The following ZFHX2 variants were observed in gnomAD, a reference collection of about 807,000 sequenced individuals.
ZFHX2 encodes zinc finger homeobox protein 2.
ZFHX2 carries 75 observed loss-of-function variants against 164.8 expected under a neutral mutation model. That is an observed-to-expected ratio of 0.46 (90% CI 0.38 to 0.55). ZFHX2 has a LOEUF of 0.55. Among genes scored for constraint, ZFHX2 ranks in the 20% least tolerant of loss-of-function variants. ZFHX2 has a pLI of 0.00. For synonymous variants in ZFHX2, 1,217 were observed against 1,351.4 expected (o/e 0.90, Z 2.18); for missense variants, 2,933 against 3,308.0 (o/e 0.89, Z 2.78).
chr14:23,521,863 CA>C lies in ZFHX2; in HGVS notation c.*98del. 6.7e-7 allele frequency: 1 copy of C among 1,492,716 alleles called. No individual in the cohort carries two copies. Among genetic ancestry groups the C allele is most frequent in the South Asian group, 1.3e-5 (1 of 75,472 alleles). The allele number at this position is 1,492,716 out of a possible 1,614,324, so 92.5% of individuals were successfully genotyped here. ...ACAGTTCCTGTGAGGTGGGCGGGGC[CA>C]GGGGGTGGGGTGAGGGATTTGAGCT... On this transcript the variant is annotated 3_prime_UTR_variant, in exon 10 of 10. Coordinates refer to ENST00000419474, the MANE Select transcript of ZFHX2 (RefSeq NM_033400.3).
In ZFHX2 at chr14:23,525,525, C is replaced by A; in HGVS notation, c.4417G>T (p.Ala1473Ser). The change falls in exon 9 of 10, where the codon GCC becomes TCC. Residue 1473 changes from alanine to serine, a missense_variant. Physicochemically the swap from Ala to Ser is moderately conservative, Grantham distance 99 (BLOSUM62 1). Coordinates refer to ENST00000419474, the MANE Select transcript of ZFHX2 (RefSeq NM_033400.3). This position sits in a 1 kb window ranked among gnomAD's most constrained non-coding sequence, Gnocchi z 5.9. Reference protein sequence around the residue: ...PPPPTPPPPEALGGGDKLACG... With the variant: ...PPPPTPPPPESLGGGDKLACG... ...GCCAGCTTGTCCCCACCCCCGAGGG[C>A]CTCAGGTGGGGGTGGGGTAGGGGGA... 1 of 1,535,652 alleles carries A rather than the reference C, an allele frequency of 6.5e-7. No individual in the cohort carries two copies. The highest frequency in any genetic ancestry group is 8.7e-7 in the Non-Finnish European group (1 of 1,146,896).
rs1482227412 is a variant in ZFHX2 at position 23,521,695 on chromosome 14, G to A, written c.*267C>T. ...ATGAATAATCAGGGTGCCAAGATGG[G>A]TGTATGTGTCTGTGAAGATGGGCAA... On this transcript the variant is annotated 3_prime_UTR_variant, in exon 10 of 10. Coordinates refer to ENST00000419474, the MANE Select transcript of ZFHX2 (RefSeq NM_033400.3). The A allele has an allele frequency of 1.0e-5, 5 of 498,512 alleles. No individual in the cohort carries two copies. The highest frequency in any genetic ancestry group is 1.8e-5 in the Non-Finnish European group (5 of 285,450). The allele number at this position is 498,512 out of a possible 1,614,324, so 30.9% of individuals were successfully genotyped here. A position where few individuals can be genotyped will look rare whatever the true frequency, so the allele number is the denominator to read the frequency against.
chr14:23,534,005 T>C lies in ZFHX2; in HGVS notation c.1321A>G (p.Met441Val). Reference protein sequence around the residue: ...AFQGLSLSSHMSLLHSRNSCK... With the variant: ...AFQGLSLSSHVSLLHSRNSCK... ...GAGTTGCGTGAGTGGAGCAGGGACA[T>C]GTGGCTGGACAGGCTGAGGCCCTGG... The change falls in exon 2 of 10, where the codon ATG becomes GTG. Residue 441 changes from methionine (M) to valine (V), a missense_variant. Coordinates refer to ENST00000419474, the MANE Select transcript of ZFHX2 (RefSeq NM_033400.3). This position sits in a 1 kb window ranked among gnomAD's most constrained non-coding sequence, Gnocchi z 4.5. 6.5e-7 allele frequency: 1 copy of C among 1,537,060 alleles called. No homozygotes were observed. Among genetic ancestry groups the C allele is most frequent in the South Asian group, 1.2e-5 (1 of 84,048 alleles).
At chr14:23,552,281 C>T (rs1882027681), upstream of ZFHX2, among the ~76,000 whole-genome samples, 1 of 151,026 alleles carries the variant, frequency 6.6e-6, no homozygotes, top group African/African-American at 2.4e-5. Flanking sequence ...TTATTAAGTG[C>T]TCCTGAATTT....
chr14:23,537,146 C>T (rs1349880810), intron 1 of ZFHX2, among the ~76,000 whole-genome samples: 1 of 152,050 alleles, frequency 6.6e-6, no homozygotes, highest in Non-Finnish European at 1.5e-5. Flanking sequence ...AAGAATGAAA[C>T]TCCGTCTCAC....
In ZFHX2 at chr14:23,524,414, C is replaced by A. The variant is rs1362936249; in HGVS notation, c.5528G>T (p.Gly1843Val). 1 of 1,536,086 alleles carries A rather than the reference C, an allele frequency of 6.5e-7. No homozygotes were observed. The highest frequency in any genetic ancestry group is 2.0e-5 in the Admixed American group (1 of 50,982). The change falls in exon 9 of 10, where the codon GGC becomes GTC. Residue 1843 changes from glycine to valine, a missense_variant. Transcript: ENST00000419474. This position sits in a 1 kb window ranked among gnomAD's most constrained non-coding sequence, Gnocchi z 5.6. ...KHEDGSLSPT[G>V]SEAGGGGEGE... ...CTCCCCTCCTCCCCCTGCTTCACTG[C>A]CTGTGGGAGACAAGCTGCCGTCCTC...
Position 23,527,518 on chromosome 14 carries a change from C to T in ZFHX2, c.3135+86G>A, listed in dbSNP as rs942285662. 3.4e-6 allele frequency: 5 copies of T among 1,490,224 alleles called. No individual in the cohort carries two copies. The Admixed American group carries it at 5.9e-5, about 18-fold the overall frequency. 92.3% of individuals were successfully genotyped at this position (1,490,224 alleles called of 1,614,324 possible). On this transcript the variant is annotated intron_variant, in intron 7 of 9. Coordinates refer to ENST00000419474, the MANE Select transcript of ZFHX2 (RefSeq NM_033400.3). ...TGCCCCCTGCCCCCAACACATGCAC[C>T]TGCCTGAATACCCCTGCCTCTTCCT...
At position 23,524,177 on chromosome 14, in the gene ZFHX2, C is replaced by G. The variant is rs960461949; in HGVS notation, c.5765G>C (p.Gly1922Ala). ...ERKGQFRSTP[G>A]GVPSPAVKPP... Reference sequence around the variant, plus strand: ...TTTCACTGCTGGACTAGGCACCCCCCCAGGGGTGCTTCGAAACTGGCCTTT... The same window carrying G: ...TTTCACTGCTGGACTAGGCACCCCCGCAGGGGTGCTTCGAAACTGGCCTTT... The change falls in exon 9 of 10, where the codon GGG (glycine) becomes GCG (alanine). Residue 1922 changes from glycine to alanine, a missense_variant. Gly to Ala is a moderately conservative substitution (Grantham distance 60, BLOSUM62 0). Coordinates refer to ENST00000419474, the MANE Select transcript of ZFHX2 (RefSeq NM_033400.3). The surrounding 1 kb of genome is among the most constrained non-coding windows in gnomAD (Gnocchi z 5.6). 6 of 1,536,118 alleles carry G rather than the reference C, an allele frequency of 3.9e-6. No individual in the cohort carries two copies. The highest frequency in any genetic ancestry group is 5.2e-6 in the Non-Finnish European group (6 of 1,146,890).
At chr14:23,541,825 T>C (rs1880852084) in intron 1 of ZFHX2, among the ~76,000 whole-genome samples, 1 of 65,506 alleles carries the variant, frequency 1.5e-5, no homozygotes, top group South Asian at 4.6e-4. Context: ...TATCATTCTA[T>C]CATCTCTAAA....
At chr14:23,553,292 A>G (rs1882106673), upstream of ZFHX2, among the ~76,000 whole-genome samples, 1 of 152,190 alleles carries the variant, frequency 6.6e-6, no homozygotes, top group Admixed American at 6.5e-5. Flanking sequence ...GGCAGGCCAC[A>G]TTTTCTCAAT....
chr14:23,552,913 CTAA>C (rs1476493087), upstream of ZFHX2, among the ~76,000 whole-genome samples: 1 of 151,938 alleles, frequency 6.6e-6, no homozygotes, highest in Non-Finnish European at 1.5e-5. Flanking sequence ...CTCCTGTATT[CTAA>C]TAATAATTTT....
chr14:23,541,198 G>A (rs750130419), intron 1 of ZFHX2, among the ~76,000 whole-genome samples: 6 of 150,910 alleles, frequency 4.0e-5, no homozygotes, highest in East Asian at 2.0e-4. Context: ...GAGCCACTGC[G>A]CCCGGCCTCT....
At chr14:23,548,877 C>T (rs1407555021) in intron 1 of ZFHX2, among the ~76,000 whole-genome samples, 2 of 152,214 alleles carry the variant, frequency 1.3e-5, no homozygotes, top group African/African-American at 2.4e-5. Flanking sequence ...GCTCTCTTCG[C>T]ATCAGTCACG....
In ZFHX2 at chr14:23,521,837, A is replaced by AAC; in HGVS notation, c.*123_*124dup. ...TGGTGCCCACTGAGGGTGGGAACTG[A>AAC]ACAGTTCCTGTGAGGTGGGCGGGGC... On this transcript the variant is annotated 3_prime_UTR_variant, in exon 10 of 10. Coordinates refer to ENST00000419474, the MANE Select transcript of ZFHX2 (RefSeq NM_033400.3). 1 of 1,457,114 alleles carries AAC rather than the reference A, an allele frequency of 6.9e-7. No individual in the cohort carries two copies. The highest frequency in any genetic ancestry group is 2.5e-5 in the East Asian group (1 of 40,418). The allele number at this position is 1,457,114 out of a possible 1,614,324, so 90.3% of individuals were successfully genotyped here. A position where few individuals can be genotyped will look rare whatever the true frequency, so the allele number is the denominator to read the frequency against.
Position 23,534,170 on chromosome 14 carries a change from A to C in ZFHX2, c.1156T>G (p.Cys386Gly). 6.8e-7 allele frequency: 1 copy of C among 1,474,098 alleles called. No individual in the cohort carries two copies. The highest frequency in any genetic ancestry group is 9.0e-7 in the Non-Finnish European group (1 of 1,116,492). The allele number at this position is 1,474,098 out of a possible 1,614,324, so 91.3% of individuals were successfully genotyped here. ...PEGQEEDGGL[C>G]PPLNQSSPTS... ...GGTGAGCTTTGGTTGAGTGGGGGGCAGAGCCCTCCATCCTCTTCTTGCCCC... is the reference window on the plus strand; with the variant it reads ...GGTGAGCTTTGGTTGAGTGGGGGGCCGAGCCCTCCATCCTCTTCTTGCCCC... The change falls in exon 2 of 10, where the codon TGC becomes GGC. Residue 386 changes from cysteine to glycine, a missense_variant. Physicochemically the swap from Cys to Gly is radical, Grantham distance 159. Coordinates refer to ENST00000419474, the MANE Select transcript of ZFHX2 (RefSeq NM_033400.3). This position sits in a 1 kb window ranked among gnomAD's most constrained non-coding sequence, Gnocchi z 4.5.
chr14:23,549,535 T>G (rs1402495757), intron 1 of ZFHX2, among the ~76,000 whole-genome samples: 1 of 152,090 alleles, frequency 6.6e-6, no homozygotes, highest in Non-Finnish European at 1.5e-5. Flanking sequence ...TAATAAACAC[T>G]GCCTCATTAA....
At chr14:23,542,566 A>G (rs1880936720) in intron 1 of ZFHX2, among the ~76,000 whole-genome samples, 1 of 152,098 alleles carries the variant, frequency 6.6e-6, no homozygotes, top group Non-Finnish European at 1.5e-5. Context: ...ATCCTGCTAG[A>G]TGTGGTTCTC....
In ZFHX2 at chr14:23,525,447, C is replaced by T. The variant is rs1365643023; in HGVS notation, c.4495G>A (p.Glu1499Lys). The T allele has an allele frequency of 9.8e-6, 15 of 1,535,996 alleles. No individual in the cohort carries two copies. The highest frequency in any genetic ancestry group is 1.7e-4 in the Middle Eastern group (1 of 6,006). ...AGAAAGCGGCGGTGGACATGTTCCT[C>T]GTGTGTCTTGAGGATAAGCATATTG... ...FSNMLILKTH[E>K]EHVHRRFLPF... Residue 1499 changes from glutamate to lysine, a missense_variant, in exon 9 of 10, where the codon GAG becomes AAG. Glu to Lys is a moderately conservative substitution (Grantham distance 56, BLOSUM62 1). Coordinates refer to ENST00000419474, the MANE Select transcript of ZFHX2 (RefSeq NM_033400.3). The surrounding 1 kb of genome is among the most constrained non-coding windows in gnomAD (Gnocchi z 5.9).
rs371641089 is a variant in ZFHX2, at chr14:23,526,439, C to T, written c.3503G>A (p.Arg1168His). The T allele has an allele frequency of 3.2e-5, 49 of 1,536,058 alleles. No individual in the cohort carries two copies. The highest frequency in any genetic ancestry group is 1.7e-4 in the Middle Eastern group (1 of 6,010). The change falls in exon 9 of 10, where the codon CGC becomes CAC. Residue 1168 changes from arginine to histidine, a missense_variant. Transcript: ENST00000419474. ...GGTTTTCCGATAGGTCAGAGGGTGGCGAGAGTCAGCTGGAGCTGGCTCTGC... is the reference window on the plus strand; with the variant it reads ...GGTTTTCCGATAGGTCAGAGGGTGGTGAGAGTCAGCTGGAGCTGGCTCTGC... ...RSAEPAPADSRHPLTYRKTTN... is the reference protein window; with the variant it reads ...RSAEPAPADSHHPLTYRKTTN...
Sources: allele counts gnomAD v4.1 joint callset (sites outside exome capture counted in the v4.1 genomes callset), GRCh38; gene constraint gnomAD v4.1.1; non-coding constraint Gnocchi (gnomAD v3.1); transcripts MANE v1.5; gene names NCBI Gene and HGNC (gene_info 2026-07-23, HGNC 2026-07-21).